The following NAAA variants were observed in gnomAD, a reference collection of about 807,000 sequenced individuals.
NAAA encodes the protein N-acylethanolamine acid amidase, also known as N-acylethanolamine-hydrolyzing acid amidase.
A neutral mutation model predicts 44.8 loss-of-function variants in NAAA; 39 were observed. The observed-to-expected ratio is 0.87, with a 90% confidence interval of 0.67 to 1.14. The LOEUF (loss-of-function observed/expected upper bound fraction) is 1.14. NAAA is among the 50% of genes most tolerant of loss of function. NAAA has a pLI of 0.00. For synonymous variants in NAAA, 178 were observed against 191.3 expected, an observed-to-expected ratio of 0.93 and a Z score of 0.58; for missense variants, 460 against 467.8, an observed-to-expected ratio of 0.98 and a Z score of 0.15.
At position 75,914,961 on chromosome 4, in the gene NAAA, C is replaced by T. The variant is rs1388144217; in HGVS notation, c.1023G>A (p.Met341Ile). ...YNNFTIYTTV[M>I]SAGSPDKYMT... ...TGTACTTGTCTGGGCTACCGGCGCT[C>T]ATTACCGTAGTATAAATTGTGAAGC... The change falls in exon 10 of 11, where the codon ATG becomes ATA. Residue 341 changes from methionine (M) to isoleucine (I), a missense_variant. Met to Ile is a conservative substitution (Grantham distance 10). Coordinates refer to ENST00000286733, the MANE Select transcript of NAAA (RefSeq NM_014435.4). The T allele has an allele frequency of 1.4e-5, 22 of 1,613,536 alleles. No homozygotes were observed. Among genetic ancestry groups the T allele is most frequent in the Non-Finnish European group, 1.9e-5 (22 of 1,179,638 alleles).
chr4:75,927,269 C>T lies in NAAA; in HGVS notation c.590-1458G>A, dbSNP rs183582252. Among the ~76,000 whole-genome samples, 213 of 148,442 alleles carry T rather than the reference C, an allele frequency of 1.4e-3. 1 individual carries two copies. The highest frequency in any genetic ancestry group is 5.2e-3 in the African/African-American group (210 of 40,174). ...AGGAGTTTTAGACCAGCCTGGGCAACATGGCAAAACCCTACCTCTACAAAA... is the reference window on the plus strand; with the variant it reads ...AGGAGTTTTAGACCAGCCTGGGCAATATGGCAAAACCCTACCTCTACAAAA... On this transcript the variant is annotated intron_variant, in intron 4 of 10. Transcript: ENST00000286733.
chr4:75,914,776 T>C, intron 10 of NAAA, 92 bp downstream of exon 10: 1 of 771,854 alleles, frequency 1.3e-6, no homozygotes, highest in Non-Finnish European at 2.1e-6. Context: ...AAATATTATA[T>C]ATGTATACAT....
At chr4:75,940,228 T>C in intron 1 of NAAA, 63 bp from the exon 2 acceptor site, 2 of 1,557,874 alleles carry the variant, frequency 1.3e-6, no homozygotes, top group South Asian at 2.3e-5. Flanking sequence ...CGACTGCGTG[T>C]GCACTGCGAG....
At chr4:75,923,544 C>CT (rs980320858) in intron 5 of NAAA, among the ~76,000 whole-genome samples, 162 of 142,958 alleles carry the variant, frequency 1.1e-3, no homozygotes, top group Middle Eastern at 3.6e-3. Context: ...CTTCTTTTTT[C>CT]TTTTTTTTTT....
intron 8 of NAAA, 92 bp from the exon 9 acceptor site, chr4:75,918,881 G>A: frequency 8.0e-7 from 1 of 1,247,194 alleles, no homozygotes; most frequent in East Asian, 2.4e-5. Flanking sequence ...AGTGGCTCAG[G>A]CCTGTAATCC....
At chr4:75,920,666 C>T (rs1726063495) in intron 7 of NAAA, 72 bp downstream of exon 7, 1 of 1,580,678 alleles carries the variant, frequency 6.3e-7, no homozygotes, top group Non-Finnish European at 8.7e-7. Context: ...CTTGCCAGTT[C>T]CTGTGACAGA....
At position 75,921,110 on chromosome 4, in the gene NAAA, G is replaced by C; in HGVS notation, c.680C>G (p.Ser227Trp). 2 of 1,582,690 alleles carry C rather than the reference G, an allele frequency of 1.3e-6. No homozygotes were observed. The highest frequency in any genetic ancestry group is 1.7e-6 in the Non-Finnish European group (2 of 1,169,774). The change falls in exon 6 of 11, where the codon TCG becomes TGG. Residue 227 changes from serine (S) to tryptophan (W), a missense_variant. Transcript: ENST00000286733. The stretch of plus-strand genomic sequence containing the variant: ...GCCAACAGCTGCTTCGAAGTTTTCC[G>C]ACTCACTCAGGGTCTGAACGAAAGG... ...SWLIRATLSE[S>W]ENFEAAVGKL...
intron 3 of NAAA, among the ~76,000 whole-genome samples, chr4:75,934,546 C>A (rs1727540380): frequency 6.8e-6 from 1 of 148,040 alleles, no homozygotes; most frequent in African/African-American, 2.5e-5. Flanking sequence ...CCAGGCTGGT[C>A]TTGAACTCCT....
chr4:75,929,923 C>T (rs1223321268), intron 4 of NAAA, among the ~76,000 whole-genome samples: 2 of 152,156 alleles, frequency 1.3e-5, no homozygotes, highest in East Asian at 3.9e-4. Flanking sequence ...AAACCCATCT[C>T]TACCAAAAAT....
In NAAA at chr4:75,940,753, T is replaced by C. The variant is rs757449012; in HGVS notation, c.197A>G (p.Gln66Arg). ...CAGGGCCCCAGCTCACCCGATGACT[T>C]GCGCCATCGCGGCGCGCACCAAGTC... ...DLDLVRAAMA[Q>R]VIGDRVPKWV... is the part of the protein sequence containing the mutation. The change falls in exon 1 of 11, where the codon CAA (glutamine) becomes CGA (arginine). Residue 66 changes from glutamine (Q) to arginine (R), a missense_variant. Coordinates refer to ENST00000286733, the MANE Select transcript of NAAA (RefSeq NM_014435.4). The C allele has an allele frequency of 3.8e-6, 6 of 1,596,138 alleles. No individual in the cohort carries two copies. In the Admixed American group the frequency reaches 1.0e-4, roughly 27 times the overall value.
intron 5 of NAAA, among the ~76,000 whole-genome samples, chr4:75,922,163 G>A (rs1359731748): frequency 2.6e-5 from 4 of 152,088 alleles, no homozygotes; most frequent in African/African-American, 4.8e-5. Flanking sequence ...CAAAGGCTCC[G>A]TCATTCAGCA....
chr4:75,926,807 T>A (rs1726743216), intron 4 of NAAA, among the ~76,000 whole-genome samples: 1 of 151,714 alleles, frequency 6.6e-6, no homozygotes, highest in South Asian at 2.1e-4. Context: ...GAGTTTTAGA[T>A]CAGCCTGGGG....
chr4:75,921,303 A>G (rs564065791), intron 5 of NAAA, among the ~76,000 whole-genome samples, 180 bp from the exon 6 acceptor site: 137 of 152,372 alleles, frequency 9.0e-4, no homozygotes, highest in African/African-American at 3.2e-3. Flanking sequence ...TTTCAGCTTC[A>G]AAGCGGAGCC....
At chr4:75,936,991 C>T (rs995412589) in intron 2 of NAAA, among the ~76,000 whole-genome samples, 1 of 152,166 alleles carries the variant, frequency 6.6e-6, no homozygotes, top group Non-Finnish European at 1.5e-5. Flanking sequence ...TTTTTCTGGT[C>T]ATTTTTTAAT....
At chr4:75,921,716 C>T (rs1196747661) in intron 5 of NAAA, among the ~76,000 whole-genome samples, 1 of 152,150 alleles carries the variant, frequency 6.6e-6, no homozygotes, top group Admixed American at 6.5e-5. Flanking sequence ...AAGAGACAAA[C>T]ACAAGTGAGT....
intron 9 of NAAA, chr4:75,917,022 C>A (rs192578594): frequency 1.5e-6 from 1 of 683,006 alleles, no homozygotes; most frequent in East Asian, 1.3e-4. Flanking sequence ...TCAAGTGATC[C>A]ACCCGCCTCG....
In NAAA at chr4:75,940,727, C is replaced by T; in HGVS notation, c.206+17G>A. Reference sequence around the variant, plus strand: ...GGGCCGGTGTCCCCGCAGACCCCGTCCAGGGCCCCAGCTCACCCGATGACT... The same window carrying T: ...GGGCCGGTGTCCCCGCAGACCCCGTTCAGGGCCCCAGCTCACCCGATGACT... On this transcript the variant is annotated intron_variant, in intron 1 of 10. Coordinates refer to ENST00000286733, the MANE Select transcript of NAAA (RefSeq NM_014435.4). The T allele has an allele frequency of 6.3e-7, 1 of 1,590,132 alleles. No homozygotes were observed. Among genetic ancestry groups the T allele is most frequent in the Non-Finnish European group, 8.5e-7 (1 of 1,175,492 alleles).
chr4:75,940,001 A>T lies in NAAA; in HGVS notation c.371T>A (p.Val124Glu), dbSNP rs1410606382. 6.2e-7 allele frequency: 1 copy of T among 1,613,510 alleles called. No homozygotes were observed. Among genetic ancestry groups the T allele is most frequent in the Non-Finnish European group, 8.5e-7 (1 of 1,179,930 alleles). Reference sequence around the variant, plus strand: ...CTCCGCGCGGGCTTGGGGCACTCACACGGAGGACTCGTAGGCCAGGTTGAC... The same window carrying T: ...CTCCGCGCGGGCTTGGGGCACTCACTCGGAGGACTCGTAGGCCAGGTTGAC... ...LLVNLAYESS[V>E]FCTSIVAQDS... Residue 124 changes from valine (V) to glutamate (E), a missense_variant and splice_region_variant, in exon 2 of 11, where the codon GTG (valine) becomes GAG (glutamate). By Grantham distance (121) the Val-to-Glu change is moderately radical. Transcript: ENST00000286733.
At chr4:75,930,432 C>T (rs779471163) in intron 4 of NAAA, 34 of 509,430 alleles carry the variant, frequency 6.7e-5, no homozygotes, top group South Asian at 4.2e-4. Context: ...CTCTGCCTAA[C>T]GAATGGAGTT....
Sources: allele counts gnomAD v4.1 joint callset (sites outside exome capture counted in the v4.1 genomes callset), GRCh38; gene constraint gnomAD v4.1.1; transcripts MANE v1.5; gene names NCBI Gene and HGNC (gene_info 2026-07-23, HGNC 2026-07-21).